The following MAP1LC3B2 variants were observed in gnomAD, a reference collection of about 807,000 sequenced individuals.
The protein encoded by MAP1LC3B2 is microtubule-associated protein 1 light chain 3 beta 2.
For synonymous variants in MAP1LC3B2, 62 were observed against 57.8 expected (o/e 1.07, Z -0.33); for missense variants, 155 against 154.6 (o/e 1.00, Z -0.01).
chr12:116,575,872 G>C lies in MAP1LC3B2; in HGVS notation c.-71G>C. 1 of 1,590,468 alleles carries C rather than the reference G, an allele frequency of 6.3e-7. No individual in the cohort carries two copies. Among genetic ancestry groups the C allele is most frequent in the Non-Finnish European group, 8.6e-7 (1 of 1,161,756 alleles). On this transcript the variant is annotated 5_prime_UTR_variant, in exon 2 of 2. Transcript: ENST00000556529. ...CACGGCCACAGTCGGATTCGCTGCC[G>C]CAGCAGCCGCCACCCCCAGGAGCCG... is the stretch of plus-strand genomic sequence containing the variant.
At chr12:116,561,263 A>G (rs1485577315) in intron 1 of MAP1LC3B2, among the ~76,000 whole-genome samples, 1 of 151,236 alleles carries the variant, frequency 6.6e-6, no homozygotes, top group East Asian at 1.9e-4. Context: ...TGACCAAGTG[A>G]GACCCTGTCT....
At chr12:116,561,995 G>C (rs564813632) in intron 1 of MAP1LC3B2, among the ~76,000 whole-genome samples, 1 of 150,594 alleles carries the variant, frequency 6.6e-6, no homozygotes, top group East Asian at 2.0e-4. Context: ...CCTCATTCCA[G>C]GAGAGGGTAT....
intron 1 of MAP1LC3B2, among the ~76,000 whole-genome samples, chr12:116,569,680 A>G (rs1252465327): frequency 6.6e-6 from 1 of 152,208 alleles, no homozygotes; most frequent in Non-Finnish European, 1.5e-5. Flanking sequence ...GCGCTTATAT[A>G]CATACCTCAA....
chr12:116,567,140 T>C (rs1869410792), intron 1 of MAP1LC3B2, among the ~76,000 whole-genome samples: 1 of 151,710 alleles, frequency 6.6e-6, no homozygotes, highest in African/African-American at 2.4e-5. Context: ...GTGCCTGGGT[T>C]TTTGGAGATT....
At chr12:116,569,978 C>T (rs1203951176) in intron 1 of MAP1LC3B2, among the ~76,000 whole-genome samples, 1 of 152,064 alleles carries the variant, frequency 6.6e-6, no homozygotes, top group African/African-American at 2.4e-5. Flanking sequence ...TGGTTGAACC[C>T]AGGAGTCAGA....
At chr12:116,561,445 C>A (rs1284180065) in intron 1 of MAP1LC3B2, among the ~76,000 whole-genome samples, 2 of 152,176 alleles carry the variant, frequency 1.3e-5, no homozygotes, top group Non-Finnish European at 2.9e-5. Context: ...TTTACCAGGT[C>A]CTCCCCTGGC....
chr12:116,562,238 G>C (rs1383373310), intron 1 of MAP1LC3B2, among the ~76,000 whole-genome samples: 1 of 152,202 alleles, frequency 6.6e-6, no homozygotes, highest in Non-Finnish European at 1.5e-5. Context: ...GATAGTGGGA[G>C]AGTCCTGACA....
At chr12:116,568,517 G>A (rs1168433813) in intron 1 of MAP1LC3B2, among the ~76,000 whole-genome samples, 2 of 152,304 alleles carry the variant, frequency 1.3e-5, no homozygotes, top group East Asian at 3.9e-4. Flanking sequence ...TCCACTTCAG[G>A]CTGGGGCTGG....
In MAP1LC3B2 at chr12:116,569,921, G is replaced by T. The variant is rs557721217; in HGVS notation, c.-101-5921G>T. Among the ~76,000 whole-genome samples, 79 of 152,074 alleles carry T rather than the reference G, an allele frequency of 5.2e-4. 1 individual carries two copies. Among genetic ancestry groups the T allele is most frequent in the Non-Finnish European group, 5.3e-4 (36 of 68,018 alleles). ...ATACAAAAATTAGCTGGGCATGGTG[G>T]CACGCACCTGTAGTCCCAGCTACTT... On this transcript the variant is annotated intron_variant, in intron 1 of 1. Coordinates refer to ENST00000556529, the MANE Select transcript of MAP1LC3B2 (RefSeq NM_001085481.3).
intron 1 of MAP1LC3B2, among the ~76,000 whole-genome samples, chr12:116,574,280 A>G (rs1869614917): frequency 6.6e-6 from 1 of 151,828 alleles, no homozygotes; most frequent in East Asian, 1.9e-4. Flanking sequence ...GTCTGAATGT[A>G]CATTAACAAA....
rs367618752 is a variant in MAP1LC3B2, at chr12:116,576,289, A to G, written c.347A>G (p.Gln116Arg). Residue 116 changes from glutamine to arginine, a missense_variant, in exon 2 of 2, where the codon CAG (glutamine) becomes CGG (arginine). Gln to Arg is a conservative substitution (Grantham distance 43). Transcript: ENST00000556529. ...TTCCTGTACATGGTCTGTGCCTCCC[A>G]GGAGACGTTCGGGATGAAATTGTCA... ...DGFLYMVCAS[Q>R]ETFGMKLSV 6 of 1,614,170 alleles carry G rather than the reference A, an allele frequency of 3.7e-6. No individual in the cohort carries two copies. The African/African-American group carries it at 8.0e-5, about 22-fold the overall frequency.
At chr12:116,560,654 C>T (rs1298401393) in intron 1 of MAP1LC3B2, among the ~76,000 whole-genome samples, 2 of 152,022 alleles carry the variant, frequency 1.3e-5, no homozygotes, top group Non-Finnish European at 2.9e-5. Context: ...GTGAATGTGA[C>T]CTTAATGGAG....
Position 116,576,597 on chromosome 12 carries a change from A to C in MAP1LC3B2, c.*277A>C. Reference sequence around the variant, plus strand: ...AATAAAATACTTTGCATTCTAAAAAAAAAAAAAAATTGCCTTACACAATGT... The same window carrying C: ...AATAAAATACTTTGCATTCTAAAAACAAAAAAAAATTGCCTTACACAATGT... On this transcript the variant is annotated 3_prime_UTR_variant, in exon 2 of 2. Transcript: ENST00000556529. The C allele has an allele frequency of 2.7e-6, 1 of 367,082 alleles. No individual in the cohort carries two copies. Among genetic ancestry groups the C allele is most frequent in the Admixed American group, 4.5e-5 (1 of 22,406 alleles). The allele number at this position is 367,082 out of a possible 1,614,324, so 22.7% of individuals were successfully genotyped here. A position where few individuals can be genotyped will look rare whatever the true frequency, so the allele number is the denominator to read the frequency against.
intron 1 of MAP1LC3B2, among the ~76,000 whole-genome samples, 173 bp downstream of exon 1, chr12:116,559,606 A>G (rs1331831467): frequency 6.6e-6 from 1 of 152,198 alleles, no homozygotes; most frequent in Non-Finnish European, 1.5e-5. Context: ...CCTGTGGGAA[A>G]CTTGTAAGAC....
chr12:116,560,189 T>A (rs1271301135), intron 1 of MAP1LC3B2: 45 of 3,024 alleles, frequency 0.015, 1 homozygote, highest in Admixed American at 0.037. Context: ...TAAGTTTGGC[T>A]ATATATATAT....
At chr12:116,571,436 AT>A (rs1292230112) in intron 1 of MAP1LC3B2, among the ~76,000 whole-genome samples, 1 of 130,476 alleles carries the variant, frequency 7.7e-6, no homozygotes, top group Non-Finnish European at 1.6e-5. Flanking sequence ...GTGAGAATAG[AT>A]GGGAGTAAGG....
At chr12:116,564,452 T>C (rs560281660) in intron 1 of MAP1LC3B2, among the ~76,000 whole-genome samples, 1 of 152,282 alleles carries the variant, frequency 6.6e-6, no homozygotes, top group Non-Finnish European at 1.5e-5. Context: ...AGAAGCTTCT[T>C]ATCTAAAGCT....
intron 1 of MAP1LC3B2, among the ~76,000 whole-genome samples, chr12:116,574,377 C>T (rs1324577471): frequency 6.6e-6 from 1 of 152,098 alleles, no homozygotes; most frequent in East Asian, 1.9e-4. Context: ...CTCAGAGGCT[C>T]ACACCTGCAA....
At chr12:116,572,264 G>GT (rs1869556314) in intron 1 of MAP1LC3B2, among the ~76,000 whole-genome samples, 1 of 152,118 alleles carries the variant, frequency 6.6e-6, no homozygotes, top group Non-Finnish European at 1.5e-5. Flanking sequence ...GAAATCAAGG[G>GT]TATCTGTTAC....
Sources: allele counts gnomAD v4.1 joint callset (sites outside exome capture counted in the v4.1 genomes callset), GRCh38; gene constraint gnomAD v4.1.1; transcripts MANE v1.5; gene names NCBI Gene and HGNC (gene_info 2026-07-23, HGNC 2026-07-21).